The following TOMM40 variants were observed in gnomAD, a reference collection of about 807,000 sequenced individuals.
TOMM40 encodes the protein mitochondrial import receptor subunit TOM40 homolog.
A neutral mutation model predicts 38.4 loss-of-function variants in TOMM40; 9 were observed. The observed-to-expected ratio is 0.23, with a 90% CI of 0.14 to 0.41. The LOEUF (loss-of-function observed/expected upper bound fraction) is 0.41, where lower values mean the gene tolerates loss of function less well. Ranked by LOEUF, TOMM40 falls within the 10% of genes least tolerant of loss-of-function variation. The probability of loss-of-function intolerance (pLI) is 1.00; values close to 1 mark genes in which losing one functional copy is unlikely to be tolerated. For synonymous variants in TOMM40, 184 were observed against 210.0 expected, an observed-to-expected ratio of 0.88 and a Z score of 1.07; for missense variants, 299 against 486.5, an observed-to-expected ratio of 0.61 and a Z score of 3.63.
At position 44,901,422 on chromosome 19, in the gene TOMM40, C is replaced by G. The variant is rs1416833513; in HGVS notation, c.946+112C>G. The G allele has an allele frequency of 6.0e-6, 9 of 1,512,032 alleles. No individual in the cohort carries two copies. In the South Asian group the frequency reaches 1.0e-4, roughly 17 times the overall value. The allele number at this position is 1,512,032 out of a possible 1,614,324, so 93.7% of individuals were successfully genotyped here. A position where few individuals can be genotyped will look rare whatever the true frequency, so the allele number is the denominator to read the frequency against. On this transcript the variant is annotated intron_variant, in intron 8 of 8. Coordinates refer to ENST00000426677, the MANE Select transcript of TOMM40 (RefSeq NM_001128917.2). ...GACAGTGTGCTGCCACCCTGTGGGC[C>G]TCCACATTACCAGGGAACACTTGTT... is the stretch of plus-strand genomic sequence containing the variant.
At chr19:44,900,170 G>A (rs534460610) in intron 5 of TOMM40, among the ~76,000 whole-genome samples, 1 of 152,268 alleles carries the variant, frequency 6.6e-6, no homozygotes, top group East Asian at 1.9e-4. Flanking sequence ...TTGGACCTCA[G>A]TGCAGCAAGT....
In TOMM40 at chr19:44,903,266, T is replaced by G. The variant is rs879235603; in HGVS notation, c.*97T>G. On this transcript the variant is annotated 3_prime_UTR_variant, in exon 9 of 9. Coordinates refer to ENST00000426677, the MANE Select transcript of TOMM40 (RefSeq NM_001128917.2). ...GAGACCTGAGCCCCCCTCCCTTCCC[T>G]CCCCCCTTGGGGGTCGGGGGGGACA... 257 of 1,206,610 alleles carry G rather than the reference T, an allele frequency of 2.1e-4. 1 individual carries two copies. Among genetic ancestry groups the G allele is most frequent in the Admixed American group, 3.4e-4 (11 of 32,708 alleles). The allele number at this position is 1,206,610 out of a possible 1,614,324, so 74.7% of individuals were successfully genotyped here. A position where few individuals can be genotyped will look rare whatever the true frequency, so the allele number is the denominator to read the frequency against.
chr19:44,894,214 G>C (rs537033677), intron 5 of TOMM40, 148 bp downstream of exon 5: 61 of 525,296 alleles, frequency 1.2e-4, no homozygotes, highest in African/African-American at 1.1e-3. Flanking sequence ...ATACTACAGT[G>C]GGTGAGACGG....
At chr19:44,891,799 C>T in intron 1 of TOMM40, 110 bp downstream of exon 1, 2 of 1,158,970 alleles carry the variant, frequency 1.7e-6, no homozygotes, top group African/African-American at 1.6e-5. Flanking sequence ...TATTTAACAG[C>T]ACTAGGAGGT....
chr19:44,903,025 T>C lies in TOMM40; in HGVS notation c.947-5T>C. On this transcript the variant is annotated splice_region_variant and splice_polypyrimidine_tract_variant and intron_variant, in intron 8 of 8. Transcript: ENST00000426677. The stretch of plus-strand genomic sequence containing the variant: ...CACGCCTCTCACCTCAGCTCTTCCC[T>C]GCAGGCTCTGTGGATAGCAACTGGA... 1.9e-6 allele frequency: 3 copies of C among 1,612,374 alleles called. No individual in the cohort carries two copies. The highest frequency in any genetic ancestry group is 2.5e-6 in the Non-Finnish European group (3 of 1,179,540).
intron 5 of TOMM40, among the ~76,000 whole-genome samples, chr19:44,894,532 G>A (rs577084991): frequency 6.6e-6 from 1 of 152,266 alleles, no homozygotes; most frequent in South Asian, 2.1e-4. Flanking sequence ...AAAGTGCTGG[G>A]ATTACAGGTG....
intron 8 of TOMM40, 34 bp downstream of exon 8, chr19:44,901,344 G>T: frequency 6.3e-7 from 1 of 1,595,838 alleles, no homozygotes; most frequent in Non-Finnish European, 8.5e-7. Context: ...CGGGAAACAG[G>T]CAGGAGGTGA....
chr19:44,903,416 G>A lies in TOMM40; in HGVS notation c.*247G>A, dbSNP rs10119. 113,102 of 411,388 alleles carry A rather than the reference G, an allele frequency of 0.27. 16,271 individuals are homozygous for A. The highest frequency in any genetic ancestry group is 0.33 in the Middle Eastern group (498 of 1,488). 25.5% of individuals were successfully genotyped at this position (411,388 alleles called of 1,614,324 possible). On this transcript the variant is annotated 3_prime_UTR_variant, in exon 9 of 9. Transcript: ENST00000426677. ...GGCCTGGGGTCCCGGGAGGGATTCC[G>A]GAATTGAGGGGCACGCAGGATTCTG... is the stretch of plus-strand genomic sequence containing the variant.
Position 44,891,361 on chromosome 19 carries a change from C to A in TOMM40, c.-55C>A. 8.1e-7 allele frequency: 1 copy of A among 1,229,506 alleles called. No individual in the cohort carries two copies. The highest frequency in any genetic ancestry group is 3.8e-5 in the South Asian group (1 of 26,576). 76.2% of individuals were successfully genotyped at this position (1,229,506 alleles called of 1,614,324 possible). ...GGGTGCGGATTTGCTGGGGCTGAGT[C>A]GGGGGCGCGCGGGCCCTGACCTCTG... is the stretch of plus-strand genomic sequence containing the variant. On this transcript the variant is annotated 5_prime_UTR_variant, in exon 1 of 9. Coordinates refer to ENST00000426677, the MANE Select transcript of TOMM40 (RefSeq NM_001128917.2).
chr19:44,897,649 G>A (rs532562351), intron 5 of TOMM40, among the ~76,000 whole-genome samples: 4 of 151,688 alleles, frequency 2.6e-5, no homozygotes, highest in Admixed American at 2.0e-4. Context: ...TGGCACATGC[G>A]TGTAATCCCA....
Position 44,891,294 on chromosome 19 carries a change from C to A in TOMM40, c.-122C>A, listed in dbSNP as rs1969455349. ...CACGGGGTGGGAGCGGAGCCCAGGC[C>A]GGGAGCAGGCGCCGCCGCCAGTGAG... On this transcript the variant is annotated 5_prime_UTR_variant, in exon 1 of 9. Transcript: ENST00000426677. 1.7e-6 allele frequency: 2 copies of A among 1,191,806 alleles called. No homozygotes were observed. Among genetic ancestry groups the A allele is most frequent in the Non-Finnish European group, 2.1e-6 (2 of 958,802 alleles). 73.8% of individuals were successfully genotyped at this position (1,191,806 alleles called of 1,614,324 possible). A position where few individuals can be genotyped will look rare whatever the true frequency, so the allele number is the denominator to read the frequency against.
rs750200030 is a variant in TOMM40, at chr19:44,903,204, TTCCACC to T, written c.*51_*56del. On this transcript the variant is annotated 3_prime_UTR_variant, in exon 9 of 9. Coordinates refer to ENST00000426677, the MANE Select transcript of TOMM40 (RefSeq NM_001128917.2). ...GCCCCCGCCTTCCACGCCCTTCCGA[TTCCACC>T]TCCACCTCCACCTCCCCCTGCCACA... is the stretch of plus-strand genomic sequence containing the variant. The T allele has an allele frequency of 1.1e-5, 18 of 1,578,298 alleles. No individual in the cohort carries two copies. Among genetic ancestry groups the T allele is most frequent in the African/African-American group, 6.8e-5 (5 of 73,848 alleles).
chr19:44,901,476 C>T, intron 8 of TOMM40, 166 bp downstream of exon 8: 1 of 1,460,508 alleles, frequency 6.8e-7, no homozygotes, highest in South Asian at 1.4e-5. Context: ...GGTGCGGTGG[C>T]TCACGCCTGT....
chr19:44,893,803 C>A lies in TOMM40; in HGVS notation c.459C>A (p.Asp153Glu). 1.2e-6 allele frequency: 2 copies of A among 1,612,234 alleles called. No individual in the cohort carries two copies. Among genetic ancestry groups the A allele is most frequent in the Non-Finnish European group, 1.7e-6 (2 of 1,180,014 alleles). The change falls in exon 4 of 9, where the codon GAC becomes GAA. Residue 153 changes from aspartate (D) to glutamate (E), a missense_variant. Physicochemically the swap from Asp to Glu is conservative, Grantham distance 45. Coordinates refer to ENST00000426677, the MANE Select transcript of TOMM40 (RefSeq NM_001128917.2). ...PTEAFPVLVG[D>E]MDNSGSLNAQ... is the part of the protein sequence containing the mutation. ...AGGCGTTCCCTGTACTGGTGGGTGA[C>A]ATGGACAACAGTGGCAGTCTCAACG...
chr19:44,895,695 C>T (rs1218813224), intron 5 of TOMM40, among the ~76,000 whole-genome samples: 5 of 151,988 alleles, frequency 3.3e-5, no homozygotes, highest in South Asian at 4.1e-4. Flanking sequence ...TACAGGCGCG[C>T]GCCACCATGC....
chr19:44,901,725 A>G (rs1969687873), intron 8 of TOMM40: 4 of 225,586 alleles, frequency 1.8e-5, no homozygotes, highest in Non-Finnish European at 3.5e-5. Flanking sequence ...TGACAGAGCA[A>G]GACTCCATCT....
chr19:44,892,709 C>T, intron 2 of TOMM40, 128 bp from the exon 3 acceptor site: 1 of 838,148 alleles, frequency 1.2e-6, no homozygotes, highest in Non-Finnish European at 2.0e-6. Flanking sequence ...CCTCCTTTCT[C>T]TGAGTCTCTT....
intron 2 of TOMM40, 86 bp from the exon 3 acceptor site, chr19:44,892,751 T>A (rs1341461083): frequency 8.6e-7 from 1 of 1,162,254 alleles, no homozygotes; most frequent in Non-Finnish European, 1.3e-6. Flanking sequence ...CTTCATCCCC[T>A]GCCCAGCCCA....
chr19:44,891,757 G>A (rs1238456367), intron 1 of TOMM40, 68 bp downstream of exon 1: 5 of 1,349,666 alleles, frequency 3.7e-6, no homozygotes, highest in East Asian at 3.1e-5. Flanking sequence ...AGGACACTGG[G>A]GACTCTGGGA....
Sources: allele counts gnomAD v4.1 joint callset (sites outside exome capture counted in the v4.1 genomes callset), GRCh38; gene constraint gnomAD v4.1.1; transcripts MANE v1.5; gene names NCBI Gene and HGNC (gene_info 2026-07-23, HGNC 2026-07-21).